Variants in RANBP2 observed in about 807,000 individuals in gnomAD.
The protein encoded by RANBP2 is E3 SUMO-protein ligase RanBP2.
RANBP2 carries 57 observed loss-of-function variants against 303.6 expected under a neutral mutation model. The observed-to-expected ratio is 0.19, with a 90% CI of 0.15 to 0.23. RANBP2 has a LOEUF of 0.23. Among genes scored for constraint, RANBP2 ranks in the 10% least tolerant of loss-of-function variants. The probability of loss-of-function intolerance (pLI) is 1.00; values close to 1 mark genes in which losing one functional copy is unlikely to be tolerated. For missense variants in RANBP2, 3,138 were observed against 3,780.8 expected (o/e 0.83, Z 4.46); for synonymous variants, 1,167 against 1,301.5 (o/e 0.90, Z 2.23).
At chr2:109,281,953 G>C in the RANBP2 span, among the ~76,000 whole-genome samples, 2 of 152,264 alleles carry the variant, frequency 1.3e-5, no homozygotes, top group African/African-American at 4.8e-5. Flanking sequence ...GTGGTTTGTA[G>C]AGCAGAAGCC....
At chr2:108,843,844 T>TTGTGTGTGTGTGTG in the RANBP2 span, among the ~76,000 whole-genome samples, 84 of 22,808 alleles carry the variant, frequency 3.7e-3, no homozygotes, top group African/African-American at 5.3e-3. Context: ...AGTTCATGTT[T>TTGTGTGTGTGTGTG]TGTGTGTGTG....
At chr2:108,813,755 C>A in the RANBP2 span, among the ~76,000 whole-genome samples, 16 of 152,288 alleles carry the variant, frequency 1.1e-4, no homozygotes, top group African/African-American at 3.8e-4. Flanking sequence ...ATAGAACTTT[C>A]CACTATCCTA....
At chr2:109,505,306 T>C in the RANBP2 span, among the ~76,000 whole-genome samples, 1 of 152,230 alleles carries the variant, frequency 6.6e-6, no homozygotes, top group East Asian at 1.9e-4. Context: ...ACTGTTCTCT[T>C]GGCTGAGACA....
the RANBP2 span, among the ~76,000 whole-genome samples, chr2:109,507,786 C>A: frequency 6.6e-6 from 1 of 152,226 alleles, no homozygotes; most frequent in Non-Finnish European, 1.5e-5. Flanking sequence ...AAGAGGACTT[C>A]TTGACTCAAC....
the RANBP2 span, among the ~76,000 whole-genome samples, chr2:109,420,466 G>A: frequency 6.6e-6 from 1 of 152,078 alleles, no homozygotes; most frequent in Non-Finnish European, 1.5e-5. Context: ...TGTTTTTTGA[G>A]ATGGAGTCTT....
chr2:109,567,897 C>T, the RANBP2 span: 1 of 1,614,034 alleles, frequency 6.2e-7, no homozygotes, highest in South Asian at 1.1e-5. Flanking sequence ...GACCAATTCA[C>T]TCATGAGCTT....
chr2:109,483,829 G>C, the RANBP2 span, among the ~76,000 whole-genome samples: 63 of 152,106 alleles, frequency 4.1e-4, no homozygotes, highest in Non-Finnish European at 7.9e-4. Flanking sequence ...CTCCTCCTGT[G>C]ACTGTCCCCA....
At chr2:109,041,399 C>T in the RANBP2 span, among the ~76,000 whole-genome samples, 1 of 152,170 alleles carries the variant, frequency 6.6e-6, no homozygotes, top group Non-Finnish European at 1.5e-5. Context: ...GGAAAACTTT[C>T]CACATTTCAC....
the RANBP2 span, among the ~76,000 whole-genome samples, chr2:109,222,394 A>G: frequency 4.6e-5 from 7 of 152,260 alleles, no homozygotes; most frequent in African/African-American, 1.4e-4. Context: ...TGGATATGCT[A>G]GTTACCCTGA....
At chr2:109,025,848 A>C in the RANBP2 span, among the ~76,000 whole-genome samples, 1 of 140,278 alleles carries the variant, frequency 7.1e-6, no homozygotes, top group Non-Finnish European at 1.5e-5. Flanking sequence ...AGAGCTTCAC[A>C]TAGAGATTCT....
the RANBP2 span, among the ~76,000 whole-genome samples, chr2:108,822,519 T>A: frequency 6.6e-6 from 1 of 152,186 alleles, no homozygotes; most frequent in Non-Finnish European, 1.5e-5. Context: ...TTCTCAAGTG[T>A]ACATGGAACA....
the RANBP2 span, among the ~76,000 whole-genome samples, chr2:108,852,320 C>G: frequency 6.6e-6 from 1 of 152,138 alleles, no homozygotes; most frequent in African/African-American, 2.4e-5. Flanking sequence ...TAAATTAGTT[C>G]AGCCATTGTG....
chr2:109,338,615 T>G, the RANBP2 span, among the ~76,000 whole-genome samples: 1 of 152,186 alleles, frequency 6.6e-6, no homozygotes, highest in Non-Finnish European at 1.5e-5. Flanking sequence ...TGGAATGCAG[T>G]GGTACGATCT....
the RANBP2 span, among the ~76,000 whole-genome samples, chr2:109,253,980 C>A: frequency 1.3e-5 from 2 of 151,814 alleles, no homozygotes; most frequent in African/African-American, 4.8e-5. Flanking sequence ...GGGCCTGGCC[C>A]CTGAGATGTG....
the RANBP2 span, among the ~76,000 whole-genome samples, chr2:109,447,645 C>T: frequency 3.3e-5 from 5 of 152,144 alleles, no homozygotes; most frequent in South Asian, 2.1e-4. Context: ...CAACCCAGGA[C>T]ACAAGTCACC....
At chr2:108,725,618 G>A (rs1694636651) in intron 1 of RANBP2, among the ~76,000 whole-genome samples, 1 of 152,018 alleles carries the variant, frequency 6.6e-6, no homozygotes, top group Non-Finnish European at 1.5e-5. Flanking sequence ...AAATTAGCTG[G>A]GCATGGTGGC....
chr2:109,096,638 G>A, the RANBP2 span, among the ~76,000 whole-genome samples: 2 of 152,160 alleles, frequency 1.3e-5, no homozygotes, highest in Admixed American at 1.3e-4. Flanking sequence ...GAGCTGAAAT[G>A]TTCATGAATA....
chr2:109,714,093 C>A, the RANBP2 span, among the ~76,000 whole-genome samples: 9 of 151,918 alleles, frequency 5.9e-5, no homozygotes, highest in African/African-American at 1.7e-4. Context: ...TTTATTTTTT[C>A]TTTTTGAGAT....
chr2:109,322,556 C>T, the RANBP2 span, among the ~76,000 whole-genome samples: 1 of 152,176 alleles, frequency 6.6e-6, no homozygotes, highest in Admixed American at 6.5e-5. Flanking sequence ...TAATAGTGTG[C>T]ACTGATTTTG....
Sources: gnomAD v4.1 joint callset for allele counts (sites outside exome capture counted in the v4.1 genomes callset) on GRCh38, gnomAD v4.1.1 for gene constraint, MANE v1.5 for transcripts, NCBI Gene and HGNC (gene_info 2026-07-23, HGNC 2026-07-21) for gene names.